The following GGT1 variants were observed in gnomAD, a reference collection of about 807,000 sequenced individuals.
GGT1 encodes gamma-glutamyltransferase 1.
GGT1 carries 21 observed loss-of-function variants against 56.0 expected under a neutral mutation model. The observed-to-expected ratio is 0.38, with a 90% CI of 0.27 to 0.54. The LOEUF is 0.54. Ranked by LOEUF, GGT1 falls within the 20% of genes least tolerant of loss-of-function variation. The probability of loss-of-function intolerance (pLI) is 0.82; values close to 1 mark genes in which losing one functional copy is unlikely to be tolerated. For missense variants in GGT1, 466 were observed against 787.0 expected (o/e 0.59, Z 4.88); for synonymous variants, 238 against 342.6 (o/e 0.69, Z 3.37).
chr22:24,612,715 C>T (rs757912176), intron 5 of GGT1, among the ~76,000 whole-genome samples: 19 of 152,042 alleles, frequency 1.2e-4, no homozygotes, highest in Non-Finnish European at 2.6e-4. Context: ...TTAGTAGAGA[C>T]AGGGTTTCAC....
the GGT1 span, chr22:24,588,795 G>A: frequency 4.9e-6 from 5 of 1,020,242 alleles, no homozygotes; most frequent in Admixed American, 5.2e-5. Context: ...CTCTCCAAGC[G>A]AGACTGCGCC....
chr22:24,592,053 C>T (rs1467351383), upstream of GGT1, among the ~76,000 whole-genome samples: 2 of 152,122 alleles, frequency 1.3e-5, no homozygotes, highest in Admixed American at 6.5e-5. Context: ...TTCTGCAGGC[C>T]GAACACCTGC....
chr22:24,626,012 G>A (rs527889487), intron 11 of GGT1, among the ~76,000 whole-genome samples: 50 of 134,164 alleles, frequency 3.7e-4, no homozygotes, highest in African/African-American at 1.6e-3. Flanking sequence ...ACGGAGTCTC[G>A]CTCTGTCCCC....
At chr22:24,586,275 G>C in the GGT1 span, 1 of 1,613,894 alleles carries the variant, frequency 6.2e-7, no homozygotes, top group Non-Finnish European at 8.5e-7. Context: ...GTGAAGCTCA[G>C]GTCCAGCACC....
Position 24,620,351 on chromosome 22 carries a change from G to A in GGT1, c.406G>A (p.Gly136Arg), listed in dbSNP as rs761610814. 1 of 1,611,678 alleles carries A rather than the reference G, an allele frequency of 6.2e-7. No homozygotes were observed. The highest frequency in any genetic ancestry group is 1.7e-5 in the Admixed American group (1 of 59,986). Residue 136 changes from glycine (G) to arginine (R), a missense_variant, in exon 8 of 16, where the codon GGG becomes AGG. Physicochemically the swap from Gly to Arg is moderately radical, Grantham distance 125. This residue lies in a region of GGT1 where 456 missense variants were observed against 716.7 expected (regional missense o/e 0.64). Transcript: ENST00000400382. This position sits in a 1 kb window ranked among gnomAD's most constrained non-coding sequence, Gnocchi z 5.6. ...AGGGGGGCTGTCGGTGGCGGTGCCT[G>A]GGGAGATCCGAGGCTATGAGCTGGC... ...QKGGLSVAVP[G>R]EIRGYELAHQ...
intron 5 of GGT1, among the ~76,000 whole-genome samples, chr22:24,614,348 CAAAAAAAAAAAAAAAA>C (rs534749815): frequency 1.9e-4 from 2 of 10,734 alleles, no homozygotes; most frequent in Non-Finnish European, 4.7e-4. Flanking sequence ...GACTTTGTCT[CAAAAAAAAAAAAAAAA>C]AAAAAAAAAA....
chr22:24,609,220 A>C (rs2046509129), intron 2 of GGT1: 1 of 151,980 alleles, frequency 6.6e-6, no homozygotes, highest in Non-Finnish European at 1.5e-5. Flanking sequence ...TTTCTGGAAG[A>C]CTGAAGGGCA....
At chr22:24,623,428 G>C (rs1170331266) in intron 10 of GGT1, among the ~76,000 whole-genome samples, 172 bp downstream of exon 10, 4 of 151,850 alleles carry the variant, frequency 2.6e-5, no homozygotes, top group African/African-American at 9.7e-5. Flanking sequence ...AGGCAGTGCA[G>C]AGCGACAGGG....
chr22:24,598,745 GTCTC>G (rs2045735786), upstream of GGT1, among the ~76,000 whole-genome samples: 1 of 152,112 alleles, frequency 6.6e-6, no homozygotes, highest in African/African-American at 2.4e-5. Context: ...TAGAGATGGG[GTCTC>G]TCTATTTTGC....
Position 24,620,697 on chromosome 22 carries a change from A to C in GGT1, c.575+177A>C. On this transcript the variant is annotated intron_variant, in intron 8 of 15. Transcript: ENST00000400382. This position sits in a 1 kb window ranked among gnomAD's most constrained non-coding sequence, Gnocchi z 5.6. ...GGACACATTCTGAGCGTGGGGTCCC[A>C]GTGGCCACTGTGGCTGGCCATGTGT... 3 of 1,457,000 alleles carry C rather than the reference A, an allele frequency of 2.1e-6. No homozygotes were observed. The highest frequency in any genetic ancestry group is 2.7e-6 in the Non-Finnish European group (3 of 1,102,256). 90.3% of individuals were successfully genotyped at this position (1,457,000 alleles called of 1,614,324 possible).
rs745677132 is a variant in GGT1 at position 24,614,770 on chromosome 22, T to A, written c.165-6T>A. On this transcript the variant is annotated splice_region_variant and splice_polypyrimidine_tract_variant and intron_variant, in intron 5 of 15. Coordinates refer to ENST00000400382, the MANE Select transcript of GGT1 (RefSeq NM_001288833.2). ...GGTTCTCATGCCTTTATGTGCCACA[T>A]GGCAGGGATGCACTGCGGGACGGTG... 9 of 1,613,316 alleles carry A rather than the reference T, an allele frequency of 5.6e-6. No homozygotes were observed. Among genetic ancestry groups the A allele is most frequent in the Non-Finnish European group, 6.8e-6 (8 of 1,179,736 alleles).
At chr22:24,594,423 G>GTGTA (rs1394742408), upstream of GGT1, among the ~76,000 whole-genome samples, 2 of 151,796 alleles carry the variant, frequency 1.3e-5, no homozygotes, top group East Asian at 3.9e-4. Context: ...GTGTGTGTGT[G>GTGTA]TGTCTGCTAA....
At position 24,614,907 on chromosome 22, in the gene GGT1, G is replaced by C; in HGVS notation, c.295+1G>C. On this transcript the variant is annotated splice_donor_variant, in intron 6 of 15. Coordinates refer to ENST00000400382, the MANE Select transcript of GGT1 (RefSeq NM_001288833.2). LOFTEE classifies it high-confidence loss of function. ...CTCACCATCTACAACAGCACCACAC[G>C]TGAGTGCCTCGGGAGAGGAGAGGGA... is the stretch of plus-strand genomic sequence containing the variant. 9.9e-6 allele frequency: 16 copies of C among 1,613,084 alleles called. No individual in the cohort carries two copies. The highest frequency in any genetic ancestry group is 1.4e-5 in the Non-Finnish European group (16 of 1,179,494).
chr22:24,592,819 C>T, upstream of GGT1: 2 of 1,264,966 alleles, frequency 1.6e-6, no homozygotes, highest in South Asian at 2.3e-5. Context: ...ACCCCCAGAC[C>T]CTCCCTGGCC....
At position 24,624,060 on chromosome 22, in the gene GGT1, G is replaced by A. The variant is rs551232621; in HGVS notation, c.1020+144G>A. ...TCGATTGCGGGCCTACTGTGTGCTCGGATGGACTCGTGGGTGACCCCCAGT... is the reference window on the plus strand; with the variant it reads ...TCGATTGCGGGCCTACTGTGTGCTCAGATGGACTCGTGGGTGACCCCCAGT... On this transcript the variant is annotated intron_variant, in intron 11 of 15. Coordinates refer to ENST00000400382, the MANE Select transcript of GGT1 (RefSeq NM_001288833.2). The A allele has an allele frequency of 5.8e-5, 87 of 1,506,288 alleles. No homozygotes were observed. The African/African-American group carries it at 9.1e-4, about 16-fold the overall frequency. The allele number at this position is 1,506,288 out of a possible 1,614,324, so 93.3% of individuals were successfully genotyped here. A position where few individuals can be genotyped will look rare whatever the true frequency, so the allele number is the denominator to read the frequency against.
intron 1 of GGT1, among the ~76,000 whole-genome samples, chr22:24,605,940 TA>T (rs1484746970): frequency 1.1e-5 from 1 of 89,924 alleles, no homozygotes; most frequent in Non-Finnish European, 2.0e-5. Context: ...TTATATATAA[TA>T]TATAATATTA....
chr22:24,601,175 T>G (rs2045774967), upstream of GGT1, among the ~76,000 whole-genome samples: 1 of 152,212 alleles, frequency 6.6e-6, no homozygotes, highest in African/African-American at 2.4e-5. Flanking sequence ...CCAGCGGTTC[T>G]GGAGTATGGG....
rs577986481 is a variant in GGT1 at position 24,626,470 on chromosome 22, C to A, written c.1021-962C>A. On this transcript the variant is annotated intron_variant, in intron 11 of 15. Transcript: ENST00000400382. ...AATACCTCCATGTTCATCTCTCAGCCCGCCCTTGCCCGTGAACCCATGCTT... is the reference window on the plus strand; with the variant it reads ...AATACCTCCATGTTCATCTCTCAGCACGCCCTTGCCCGTGAACCCATGCTT... Among the ~76,000 whole-genome samples the A allele has an allele frequency of 3.4e-3, 493 of 147,040 alleles. 5 individuals are homozygous for A. Among genetic ancestry groups the A allele is most frequent in the African/African-American group, 0.012 (468 of 38,508 alleles).
the GGT1 span, chr22:24,586,226 C>A: frequency 1.6e-4 from 264 of 1,613,716 alleles, no homozygotes; most frequent in Non-Finnish European, 2.1e-4. Context: ...CGCCCACAGG[C>A]TGGGCAGCAG....
Sources: allele counts gnomAD v4.1 joint callset (sites outside exome capture counted in the v4.1 genomes callset), GRCh38; gene constraint gnomAD v4.1.1; regional missense constraint gnomAD v4.1.1; non-coding constraint Gnocchi (gnomAD v3.1); transcripts MANE v1.5; gene names NCBI Gene and HGNC (gene_info 2026-07-23, HGNC 2026-07-21).